NKAIN3: variants seen among roughly 807,000 people sequenced by gnomAD.
NKAIN3 encodes the protein sodium/potassium-transporting ATPase subunit beta-1-interacting protein 3.
A neutral mutation model predicts 30.2 loss-of-function variants in NKAIN3; 25 were observed. The ratio of observed to expected loss-of-function variants is 0.83; its 90% CI spans 0.60 to 1.16. The LOEUF (loss-of-function observed/expected upper bound fraction) is 1.16, where lower values mean the gene tolerates loss of function less well. Among genes scored for constraint, NKAIN3 ranks in the 50% most tolerant of loss-of-function variants. The pLI is 0.00. For missense variants in NKAIN3, 225 were observed against 254.1 expected (o/e 0.89, Z 0.78); for synonymous variants, 91 against 89.6 (o/e 1.02, Z -0.09).
intron 1 of NKAIN3, among the ~76,000 whole-genome samples, chr8:62,340,501 G>A (rs2040327226): frequency 6.6e-6 from 1 of 152,012 alleles, no homozygotes; most frequent in South Asian, 2.1e-4. Context: ...GCAGAAGAAG[G>A]TCAGAGAGAA....
chr8:62,860,473 C>T (rs553962734), intron 4 of NKAIN3, among the ~76,000 whole-genome samples: 63 of 152,284 alleles, frequency 4.1e-4, no homozygotes, highest in African/African-American at 9.6e-4. Context: ...TTTTCTCCCT[C>T]GCTTCTGTTT....
intron 5 of NKAIN3, among the ~76,000 whole-genome samples, chr8:62,924,375 AT>A (rs1429650748): frequency 1.3e-5 from 2 of 152,180 alleles, no homozygotes; most frequent in East Asian, 3.8e-4. Flanking sequence ...CACAACTGTA[AT>A]TTTTTAAAGT....
At chr8:62,812,737 A>G (rs146305720) in intron 4 of NKAIN3, among the ~76,000 whole-genome samples, 1 of 151,974 alleles carries the variant, frequency 6.6e-6, no homozygotes, top group African/African-American at 2.4e-5. Context: ...AGAGAAATAT[A>G]CATTTCTTAA....
chr8:62,364,828 C>CAAAAAAAAAAAAAA lies in NKAIN3; in HGVS notation c.54+115711_54+115724dup, dbSNP rs58784999. On this transcript the variant is annotated intron_variant, in intron 1 of 6. Coordinates refer to ENST00000623646, the MANE Select transcript of NKAIN3 (RefSeq NM_001304533.3). ...TGTGTGACAGAGCGAGACTCCACTA[C>CAAAAAAAAAAAAAA]AAAAAAAAAAAAAAAAAAAAAAATC... Among the ~76,000 whole-genome samples the CAAAAAAAAAAAAAA allele has an allele frequency of 8.5e-4, 54 of 63,752 alleles. 12 individuals carry two copies. Among genetic ancestry groups the CAAAAAAAAAAAAAA allele is most frequent in the East Asian group, 1.5e-3 (3 of 2,050 alleles). 41.8% of individuals were successfully genotyped at this position (63,752 alleles called of 152,430 possible). A position where few individuals can be genotyped will look rare whatever the true frequency, so the allele number is the denominator to read the frequency against.
At chr8:62,646,252 G>A (rs1260251906) in intron 3 of NKAIN3, among the ~76,000 whole-genome samples, 1 of 151,780 alleles carries the variant, frequency 6.6e-6, no homozygotes, top group Admixed American at 6.6e-5. Context: ...ACAATTAAGA[G>A]GTTTAAATAA....
At chr8:62,839,132 T>G (rs1029574671) in intron 4 of NKAIN3, among the ~76,000 whole-genome samples, 3 of 152,138 alleles carry the variant, frequency 2.0e-5, no homozygotes, top group Non-Finnish European at 4.4e-5. Flanking sequence ...TATGTTGTTT[T>G]TGACTCTACT....
chr8:62,857,574 G>C (rs1820101180), intron 4 of NKAIN3, among the ~76,000 whole-genome samples: 1 of 151,882 alleles, frequency 6.6e-6, no homozygotes, highest in South Asian at 2.1e-4. Flanking sequence ...ATTCTTTTCT[G>C]CCAGTCTTAT....
chr8:62,985,698 G>A (rs1030395277), downstream of NKAIN3, among the ~76,000 whole-genome samples: 1 of 151,982 alleles, frequency 6.6e-6, no homozygotes, highest in Non-Finnish European at 1.5e-5. Flanking sequence ...CCCAAAAACA[G>A]TGAGTGAATT....
At chr8:62,467,572 G>T (rs1367543922) in intron 1 of NKAIN3, among the ~76,000 whole-genome samples, 1 of 152,070 alleles carries the variant, frequency 6.6e-6, no homozygotes, top group South Asian at 2.1e-4. Context: ...ATTTTTTACT[G>T]TTTAGAATTT....
intron 3 of NKAIN3, among the ~76,000 whole-genome samples, chr8:62,672,226 T>G (rs1388549412): frequency 1.3e-5 from 2 of 152,186 alleles, no homozygotes; most frequent in Admixed American, 1.3e-4. Context: ...ATGCCATCCA[T>G]CACTTTGTGC....
At chr8:62,573,162 C>T (rs947873742) in intron 1 of NKAIN3, among the ~76,000 whole-genome samples, 2 of 152,154 alleles carry the variant, frequency 1.3e-5, no homozygotes, top group African/African-American at 4.8e-5. Flanking sequence ...ACATTCAGCC[C>T]ATTCCAACCT....
intron 1 of NKAIN3, among the ~76,000 whole-genome samples, chr8:62,508,871 G>A (rs1301509842): frequency 7.5e-6 from 1 of 133,446 alleles, no homozygotes; most frequent in African/African-American, 3.1e-5. Context: ...CGAAGTCAGG[G>A]TACCCATATA....
intron 1 of NKAIN3, among the ~76,000 whole-genome samples, chr8:62,312,328 T>C (rs181728892): frequency 2.3e-4 from 34 of 150,690 alleles, no homozygotes; most frequent in Non-Finnish European, 4.0e-4. Flanking sequence ...CACATAAAAA[T>C]TAGGGTTTGG....
At chr8:62,281,029 T>G (rs1813162493) in intron 1 of NKAIN3, among the ~76,000 whole-genome samples, 2 of 152,212 alleles carry the variant, frequency 1.3e-5, no homozygotes, top group Admixed American at 1.3e-4. Context: ...TGGTAGTCTA[T>G]TAATTGTTGC....
intron 2 of NKAIN3, among the ~76,000 whole-genome samples, chr8:62,585,161 G>A (rs1021898950): frequency 1.3e-5 from 2 of 152,104 alleles, no homozygotes; most frequent in East Asian, 3.9e-4. Context: ...AGTATGTGCT[G>A]TGCTGCCTGC....
chr8:62,318,424 G>A (rs1017860361), intron 1 of NKAIN3, among the ~76,000 whole-genome samples: 18 of 152,248 alleles, frequency 1.2e-4, no homozygotes, highest in East Asian at 7.7e-4. Flanking sequence ...TATGATATTG[G>A]CTGTGGGTTT....
At chr8:62,705,300 T>C (rs1814482984) in intron 3 of NKAIN3, among the ~76,000 whole-genome samples, 1 of 152,192 alleles carries the variant, frequency 6.6e-6, no homozygotes, top group Non-Finnish European at 1.5e-5. Flanking sequence ...GTCTTTCATA[T>C]TTTGAGGAAC....
intron 1 of NKAIN3, among the ~76,000 whole-genome samples, chr8:62,465,793 C>G (rs560541001): frequency 3.8e-4 from 58 of 152,252 alleles, no homozygotes; most frequent in Admixed American, 2.1e-3. Flanking sequence ...GAGGCTGAGG[C>G]AGGTGGATCA....
chr8:62,605,435 A>G (rs191769828), intron 3 of NKAIN3, among the ~76,000 whole-genome samples: 468 of 151,886 alleles, frequency 3.1e-3, no homozygotes, highest in African/African-American at 0.01. Context: ...ATATCATTCT[A>G]TAGTCTATTT....
Sources: gnomAD v4.1 joint callset for allele counts (sites outside exome capture counted in the v4.1 genomes callset) on GRCh38, gnomAD v4.1.1 for gene constraint, MANE v1.5 for transcripts, NCBI Gene and HGNC (gene_info 2026-07-23, HGNC 2026-07-21) for gene names.